The following HMGA1 variants were observed in gnomAD, a reference collection of about 807,000 sequenced individuals.
HMGA1 encodes the protein high mobility group AT-hook 1.
HMGA1 carries 1 observed loss-of-function variant against 15.1 expected under a neutral mutation model. The observed-to-expected ratio is 0.07, with a 90% CI of 0.02 to 0.31. The LOEUF is 0.31. Among genes scored for constraint, HMGA1 ranks in the 10% least tolerant of loss-of-function variants. HMGA1 has a pLI of 1.00. For missense variants in HMGA1, 94 were observed against 141.4 expected (o/e 0.66, Z 1.70); for synonymous variants, 56 against 54.8 (o/e 1.02, Z -0.10).
At position 34,240,800 on chromosome 6, in the gene HMGA1, A is replaced by G; in HGVS notation, c.20A>G (p.Lys7Arg). The G allele has an allele frequency of 1.9e-6, 3 of 1,612,708 alleles. No individual in the cohort carries two copies. The highest frequency in any genetic ancestry group is 2.5e-6 in the Non-Finnish European group (3 of 1,179,900). Residue 7 changes from lysine (K) to arginine (R), a missense_variant, in exon 3 of 6, where the codon AAG (lysine) becomes AGG (arginine). By Grantham distance (26) the Lys-to-Arg change is conservative. Transcript: ENST00000311487. ...GGGAAGATGAGTGAGTCGAGCTCGA[A>G]GTCCAGCCAGCCCTTGGCCTCCAAG... MSESSS[K>R]SSQPLASKQE...
chr6:34,243,359 G>A (rs778582902), intron 4 of HMGA1, 109 bp from the exon 5 acceptor site: 6 of 856,944 alleles, frequency 7.0e-6, no homozygotes, highest in Non-Finnish European at 1.2e-5. Flanking sequence ...GGGTGAGAGT[G>A]TTGGGTCACC....
intron 3 of HMGA1, 23 bp downstream of exon 3, chr6:34,240,938 C>A (rs760937123): frequency 2.5e-6 from 4 of 1,613,450 alleles, no homozygotes; most frequent in Non-Finnish European, 3.4e-6. Context: ...ACCTTTGCTT[C>A]ACTTGGTTTA....
In HMGA1 at chr6:34,244,900, T is replaced by C; in HGVS notation, c.*16T>C. The C allele has an allele frequency of 1.3e-6, 2 of 1,553,334 alleles. No individual in the cohort carries two copies. Among genetic ancestry groups the C allele is most frequent in the East Asian group, 2.4e-5 (1 of 41,450 alleles). ...GGAGCAGTGACCCATGCGTGCCGCCTGCTCCTCACTGGAGGAGCAGCTTCC... is the reference window on the plus strand; with the variant it reads ...GGAGCAGTGACCCATGCGTGCCGCCCGCTCCTCACTGGAGGAGCAGCTTCC... On this transcript the variant is annotated 3_prime_UTR_variant, in exon 6 of 6. Coordinates refer to ENST00000311487, the MANE Select transcript of HMGA1 (RefSeq NM_145899.3).
At position 34,245,209 on chromosome 6, in the gene HMGA1, C is replaced by A; in HGVS notation, c.*325C>A. ...ACCCTGCACCTGCTGCGTCCCCACT[C>A]CCTTGGTGGTGGGGACATTGCTCTC... On this transcript the variant is annotated 3_prime_UTR_variant, in exon 6 of 6. Coordinates refer to ENST00000311487, the MANE Select transcript of HMGA1 (RefSeq NM_145899.3). 1 of 1,405,190 alleles carries A rather than the reference C, an allele frequency of 7.1e-7. No individual in the cohort carries two copies. Among genetic ancestry groups the A allele is most frequent in the Non-Finnish European group, 9.4e-7 (1 of 1,062,768 alleles). The allele number at this position is 1,405,190 out of a possible 1,614,324, so 87.0% of individuals were successfully genotyped here.
chr6:34,240,043 T>C (rs567119937), intron 2 of HMGA1, among the ~76,000 whole-genome samples: 1 of 152,002 alleles, frequency 6.6e-6, no homozygotes, highest in African/African-American at 2.4e-5. Context: ...TGGGCTCACT[T>C]TCCTCCCCCA....
Position 34,245,583 on chromosome 6 carries a change from C to T in HMGA1, c.*699C>T. On this transcript the variant is annotated 3_prime_UTR_variant, in exon 6 of 6. Transcript: ENST00000311487. The stretch of plus-strand genomic sequence containing the variant: ...TCACTGTGGCCACAGCCCCCTTGCC[C>T]TCCGCCTGGGATCTGAGTACATATT... 3 of 1,381,262 alleles carry T rather than the reference C, an allele frequency of 2.2e-6. No homozygotes were observed. The highest frequency in any genetic ancestry group is 2.9e-6 in the Non-Finnish European group (3 of 1,036,042). 85.6% of individuals were successfully genotyped at this position (1,381,262 alleles called of 1,614,324 possible).
chr6:34,238,838 C>T (rs1156836564), intron 2 of HMGA1: 5 of 152,232 alleles, frequency 3.3e-5, no homozygotes, highest in African/African-American at 1.2e-4. Context: ...GGTATGAGAG[C>T]TTCCAGGGAG....
At chr6:34,239,609 A>AT (rs1453190737) in intron 2 of HMGA1, among the ~76,000 whole-genome samples, 1 of 152,114 alleles carries the variant, frequency 6.6e-6, no homozygotes, top group Non-Finnish European at 1.5e-5. Flanking sequence ...ACCCCTTACC[A>AT]TGGCAGGCAG....
chr6:34,242,475 G>A (rs1762384655), intron 3 of HMGA1, among the ~76,000 whole-genome samples: 1 of 152,150 alleles, frequency 6.6e-6, no homozygotes, highest in African/African-American at 2.4e-5. Context: ...GGGGTCTTCT[G>A]GGCTCTTGTC....
intron 3 of HMGA1, 95 bp from the exon 4 acceptor site, chr6:34,242,617 C>A: frequency 1.2e-6 from 1 of 850,030 alleles, no homozygotes; most frequent in Non-Finnish European, 2.0e-6. Context: ...TTGGTTCTTG[C>A]TGACTTAACC....
intron 4 of HMGA1, 76 bp from the exon 5 acceptor site, chr6:34,243,392 C>T: frequency 8.7e-7 from 1 of 1,144,500 alleles, no homozygotes; most frequent in Non-Finnish European, 1.3e-6. Context: ...GTAGGTCTGC[C>T]CCCCATCACT....
intron 3 of HMGA1, 73 bp downstream of exon 3, chr6:34,240,988 A>G (rs1013564591): frequency 1.3e-6 from 2 of 1,552,570 alleles, no homozygotes; most frequent in Non-Finnish European, 1.8e-6. Context: ...TTCATTCAGC[A>G]GGCGAGACCA....
chr6:34,243,413 G>A (rs757945046), intron 4 of HMGA1, 55 bp from the exon 5 acceptor site: 41 of 1,378,234 alleles, frequency 3.0e-5, no homozygotes, highest in African/African-American at 2.0e-4. Context: ...ATTGGGCATC[G>A]GGTGAGCACT....
At chr6:34,239,482 T>C (rs1164226900) in intron 2 of HMGA1, among the ~76,000 whole-genome samples, 1 of 152,154 alleles carries the variant, frequency 6.6e-6, no homozygotes, top group African/African-American at 2.4e-5. Flanking sequence ...TTTAAGTTTT[T>C]CTAAACTATT....
chr6:34,243,397 A>G, intron 4 of HMGA1, 71 bp from the exon 5 acceptor site: 1 of 1,213,050 alleles, frequency 8.2e-7, no homozygotes, highest in East Asian at 2.4e-5. Context: ...TCTGCCCCCC[A>G]TCACTATTGG....
chr6:34,245,762 G>C lies in HMGA1; in HGVS notation c.*878G>C. On this transcript the variant is annotated 3_prime_UTR_variant, in exon 6 of 6. Coordinates refer to ENST00000311487, the MANE Select transcript of HMGA1 (RefSeq NM_145899.3). ...TCAGATGGGGCACCAATAACAAGGA[G>C]CTCACCCTGCCCGCTCCCAACCCCC... 1 of 490,892 alleles carries C rather than the reference G, an allele frequency of 2.0e-6. No individual in the cohort carries two copies. Among genetic ancestry groups the C allele is most frequent in the Non-Finnish European group, 3.6e-6 (1 of 276,332 alleles). 30.4% of individuals were successfully genotyped at this position (490,892 alleles called of 1,614,324 possible).
Position 34,245,386 on chromosome 6 carries a change from G to T in HMGA1, c.*502G>T, listed in dbSNP as rs1762663372. On this transcript the variant is annotated 3_prime_UTR_variant, in exon 6 of 6. Transcript: ENST00000311487. ...TACTCCACTGCCCTGGCAGCAGCAGGTGTGGCCAATGGAGGGGGGTGCTGG... is the reference window on the plus strand; with the variant it reads ...TACTCCACTGCCCTGGCAGCAGCAGTTGTGGCCAATGGAGGGGGGTGCTGG... 7.4e-7 allele frequency: 1 copy of T among 1,356,490 alleles called. No individual in the cohort carries two copies. Among genetic ancestry groups the T allele is most frequent in the South Asian group, 1.3e-5 (1 of 79,462 alleles). 84.0% of individuals were successfully genotyped at this position (1,356,490 alleles called of 1,614,324 possible). A position where few individuals can be genotyped will look rare whatever the true frequency, so the allele number is the denominator to read the frequency against.
intron 2 of HMGA1, among the ~76,000 whole-genome samples, chr6:34,238,403 T>A (rs1035347380): frequency 2.6e-5 from 4 of 152,140 alleles, no homozygotes; most frequent in South Asian, 2.1e-4. Context: ...AGTGTCGGGT[T>A]GAAAGGGTCT....
chr6:34,244,821 C>T lies in HMGA1; in HGVS notation c.271-10C>T, dbSNP rs964277456. 3.8e-6 allele frequency: 6 copies of T among 1,569,644 alleles called. No individual in the cohort carries two copies. Among genetic ancestry groups the T allele is most frequent in the African/African-American group, 1.3e-5 (1 of 74,192 alleles). On this transcript the variant is annotated splice_polypyrimidine_tract_variant and intron_variant, in intron 5 of 5. Coordinates refer to ENST00000311487, the MANE Select transcript of HMGA1 (RefSeq NM_145899.3). Reference sequence around the variant, plus strand: ...GCCAGAGCTCACACCAACAACTGCCCACCTCACAGGAGAAGGAGGAAGAGG... The same window carrying T: ...GCCAGAGCTCACACCAACAACTGCCTACCTCACAGGAGAAGGAGGAAGAGG...
Sources: allele counts gnomAD v4.1 joint callset (sites outside exome capture counted in the v4.1 genomes callset), GRCh38; gene constraint gnomAD v4.1.1; transcripts MANE v1.5; gene names NCBI Gene and HGNC (gene_info 2026-07-23, HGNC 2026-07-21).